Variants in PDLIM5 observed in about 807,000 individuals in gnomAD.
PDLIM5 encodes PDZ and LIM domain protein 5.
PDLIM5 carries 34 observed loss-of-function variants against 64.2 expected under a neutral mutation model. The observed-to-expected ratio is 0.53, with a 90% CI of 0.40 to 0.71. PDLIM5 has a LOEUF of 0.71. PDLIM5 is among the 30% of genes least tolerant of loss of function. PDLIM5 has a pLI of 0.00. For synonymous variants in PDLIM5, 253 were observed against 269.1 expected (o/e 0.94, Z 0.59); for missense variants, 683 against 733.6 (o/e 0.93, Z 0.80).
At chr4:94,488,277 T>C (rs1726533494) in intron 2 of PDLIM5, among the ~76,000 whole-genome samples, 1 of 152,232 alleles carries the variant, frequency 6.6e-6, no homozygotes, top group African/African-American at 2.4e-5. Flanking sequence ...TGTTTTTTAA[T>C]GAATAGCCAA....
intron 3 of PDLIM5, among the ~76,000 whole-genome samples, chr4:94,566,151 A>G (rs1734297973): frequency 1.3e-5 from 2 of 152,210 alleles, no homozygotes; most frequent in Non-Finnish European, 2.9e-5. Context: ...AGGGCTGCAT[A>G]TAGGCTTCTG....
chr4:94,639,461 G>A lies in PDLIM5; in HGVS notation c.1109-815G>A, dbSNP rs117531295. On this transcript the variant is annotated intron_variant, in intron 8 of 12. Coordinates refer to ENST00000317968, the MANE Select transcript of PDLIM5 (RefSeq NM_006457.5). ...GATCTAAATTAAGACAGTATTATAG[G>A]AATGGGGAAGAGGAGGCAAAGTCAA... is the stretch of plus-strand genomic sequence containing the variant. Among the ~76,000 whole-genome samples, 785 of 152,228 alleles carry A rather than the reference G, an allele frequency of 5.2e-3. 12 individuals carry two copies. The East Asian group carries it at 0.054, about 10-fold the overall frequency.
intron 7 of PDLIM5, among the ~76,000 whole-genome samples, chr4:94,598,190 T>A (rs955068925): frequency 1.3e-5 from 2 of 152,150 alleles, no homozygotes; most frequent in East Asian, 1.9e-4. Context: ...ATAGCATACA[T>A]GTTCAATAAC....
chr4:94,585,561 C>G lies in PDLIM5; in HGVS notation c.711-4C>G, dbSNP rs768933214. 2 of 1,568,504 alleles carry G rather than the reference C, an allele frequency of 1.3e-6. No homozygotes were observed. Among genetic ancestry groups the G allele is most frequent in the South Asian group, 1.2e-5 (1 of 83,416 alleles). On this transcript the variant is annotated splice_polypyrimidine_tract_variant and splice_region_variant and intron_variant, in intron 5 of 12. Transcript: ENST00000317968. ...TTTAATTTTTTTTTTCTCCTTAACCCTAGCCCACCAAGAAAACACATTGTG... is the reference window on the plus strand; with the variant it reads ...TTTAATTTTTTTTTTCTCCTTAACCGTAGCCCACCAAGAAAACACATTGTG...
At chr4:94,549,744 T>G (rs1199579717) in intron 3 of PDLIM5, 1 of 152,128 alleles carries the variant, frequency 6.6e-6, no homozygotes, top group Non-Finnish European at 1.5e-5. Context: ...TGTGCTCAAT[T>G]AACATATTTT....
intron 5 of PDLIM5, chr4:94,577,445 T>C (rs370275862): frequency 9.2e-5 from 40 of 436,860 alleles, no homozygotes; most frequent in African/African-American, 6.9e-4. Context: ...CTTGAGGTTG[T>C]GGGTGGCTTT....
At chr4:94,640,521 T>C (rs1740922625) in intron 9 of PDLIM5, 71 bp downstream of exon 9, 1 of 917,924 alleles carries the variant, frequency 1.1e-6, no homozygotes, top group African/African-American at 1.7e-5. Flanking sequence ...TTTTTTGCAT[T>C]TGGAAGTATG....
At chr4:94,614,902 A>G (rs1738651416) in intron 7 of PDLIM5, among the ~76,000 whole-genome samples, 1 of 152,210 alleles carries the variant, frequency 6.6e-6, no homozygotes, top group Non-Finnish European at 1.5e-5. Context: ...CCTGCACCCA[A>G]GTGATCCATA....
In PDLIM5 at chr4:94,468,115, C is replaced by T. The variant is rs536859643; in HGVS notation, c.96+12731C>T. ...TTGATGGTGGGATTTAGAAGCTGTTCTGAGCAATGAGCTTGATGGAACTTT... is the reference window on the plus strand; with the variant it reads ...TTGATGGTGGGATTTAGAAGCTGTTTTGAGCAATGAGCTTGATGGAACTTT... On this transcript the variant is annotated intron_variant, in intron 2 of 12. Coordinates refer to ENST00000317968, the MANE Select transcript of PDLIM5 (RefSeq NM_006457.5). 5.3e-5 allele frequency among the ~76,000 whole-genome samples: 8 copies of T among 152,102 alleles called. No homozygotes were observed. In the South Asian group the frequency reaches 1.7e-3, roughly 32 times the overall value.
intron 3 of PDLIM5, among the ~76,000 whole-genome samples, chr4:94,565,545 GA>G (rs1734245877): frequency 1.3e-5 from 2 of 152,158 alleles, no homozygotes; most frequent in African/African-American, 4.8e-5. Flanking sequence ...AGACCCACAA[GA>G]AGATTATGTG....
At chr4:94,546,384 T>C (rs1017443952) in intron 3 of PDLIM5, among the ~76,000 whole-genome samples, 1 of 152,164 alleles carries the variant, frequency 6.6e-6, no homozygotes, top group African/African-American at 2.4e-5. Flanking sequence ...AGTTGCTCAT[T>C]GGAAGTAACA....
At chr4:94,477,106 T>C (rs1007399378) in intron 2 of PDLIM5, among the ~76,000 whole-genome samples, 1 of 152,180 alleles carries the variant, frequency 6.6e-6, no homozygotes, top group African/African-American at 2.4e-5. Flanking sequence ...TGGTATTGTT[T>C]TGTGTCTGTT....
chr4:94,472,367 C>G (rs574010354), intron 2 of PDLIM5, among the ~76,000 whole-genome samples: 21 of 152,156 alleles, frequency 1.4e-4, no homozygotes, highest in Non-Finnish European at 2.4e-4. Flanking sequence ...ATTCTTTCCA[C>G]AGTGATTGCC....
At chr4:94,487,884 AAC>A (rs1726498779) in intron 2 of PDLIM5, among the ~76,000 whole-genome samples, 1 of 152,198 alleles carries the variant, frequency 6.6e-6, no homozygotes, top group African/African-American at 2.4e-5. Context: ...TCTTAGTAAA[AAC>A]ACAGATTCTT....
intron 7 of PDLIM5, among the ~76,000 whole-genome samples, chr4:94,613,270 A>G (rs1438030838): frequency 6.6e-6 from 1 of 152,184 alleles, no homozygotes; most frequent in Non-Finnish European, 1.5e-5. Context: ...TGTGATGTAC[A>G]GTTGTCTTTT....
At chr4:94,648,792 G>A (rs947773492) in intron 9 of PDLIM5, among the ~76,000 whole-genome samples, 2 of 152,110 alleles carry the variant, frequency 1.3e-5, no homozygotes, top group African/African-American at 4.8e-5. Flanking sequence ...CTTATAGGCC[G>A]TCCCCACCTT....
intron 2 of PDLIM5, among the ~76,000 whole-genome samples, chr4:94,466,693 T>C (rs974023141): frequency 4.6e-5 from 7 of 152,240 alleles, no homozygotes; most frequent in Admixed American, 4.6e-4. Context: ...TGCTTTTCTC[T>C]AACTGCCAGC....
chr4:94,505,617 C>G (rs1728323075), intron 2 of PDLIM5, among the ~76,000 whole-genome samples: 1 of 152,140 alleles, frequency 6.6e-6, no homozygotes. Flanking sequence ...CCCATGACTC[C>G]TTCCTTGGGT....
At chr4:94,519,098 T>G (rs1162582902) in intron 2 of PDLIM5, among the ~76,000 whole-genome samples, 1 of 152,174 alleles carries the variant, frequency 6.6e-6, no homozygotes, top group African/African-American at 2.4e-5. Flanking sequence ...ATGCAGTGAA[T>G]TACGTTCTGA....
Sources: allele counts gnomAD v4.1 joint callset (sites outside exome capture counted in the v4.1 genomes callset), GRCh38; gene constraint gnomAD v4.1.1; transcripts MANE v1.5; gene names NCBI Gene and HGNC (gene_info 2026-07-23, HGNC 2026-07-21).